Variants in NR3C2 observed in about 807,000 individuals in gnomAD.
The protein encoded by NR3C2 is nuclear receptor subfamily 3 group C member 2, also known as mineralocorticoid receptor.
A neutral mutation model predicts 86.4 loss-of-function variants in NR3C2; 15 were observed. That is an observed-to-expected ratio of 0.17 (90% CI 0.12 to 0.27). NR3C2 has a LOEUF of 0.27. Ranked by LOEUF, NR3C2 falls within the 10% of genes least tolerant of loss-of-function variation. The pLI is 1.00. For missense variants in NR3C2, 960 were observed against 1,195.6 expected, an observed-to-expected ratio of 0.80 and a Z score of 2.91; for synonymous variants, 458 against 450.5, an observed-to-expected ratio of 1.02 and a Z score of -0.21.
chr4:148,307,804 A>G (rs986596259), intron 2 of NR3C2, among the ~76,000 whole-genome samples: 110 of 151,860 alleles, frequency 7.2e-4, no homozygotes, highest in African/African-American at 2.6e-3. Flanking sequence ...ATAAGCTTAC[A>G]TATGGCAAAA....
chr4:148,330,028 T>C (rs995882475), intron 2 of NR3C2, among the ~76,000 whole-genome samples: 1 of 152,216 alleles, frequency 6.6e-6, no homozygotes, highest in African/African-American at 2.4e-5. Flanking sequence ...ATTTCTGCAA[T>C]GCTATTTTGG....
upstream of NR3C2, chr4:148,442,858 C>T (rs1579305433): frequency 2.0e-6 from 2 of 985,404 alleles, no homozygotes; most frequent in African/African-American, 1.7e-5. Context: ...TCTGACCGAC[C>T]CCAGGATATC....
intron 7 of NR3C2, among the ~76,000 whole-genome samples, chr4:148,119,504 A>G (rs138147075): frequency 2.1e-3 from 321 of 152,266 alleles, no homozygotes; most frequent in Non-Finnish European, 3.8e-3. Flanking sequence ...TGTATTAAAG[A>G]TATCTTTGGC....
intron 2 of NR3C2, among the ~76,000 whole-genome samples, chr4:148,305,308 T>C (rs1742558500): frequency 6.6e-6 from 1 of 152,126 alleles, no homozygotes; most frequent in Non-Finnish European, 1.5e-5. Flanking sequence ...CTCCTCAGAA[T>C]AAAACACAGT....
chr4:148,425,038 G>T (rs1359900803), intron 2 of NR3C2, among the ~76,000 whole-genome samples: 1 of 152,164 alleles, frequency 6.6e-6, no homozygotes, highest in Non-Finnish European at 1.5e-5. Context: ...TAATTATTTT[G>T]TGGAAAATTC....
chr4:148,167,082 A>G (rs142790652), intron 4 of NR3C2, among the ~76,000 whole-genome samples: 113 of 151,696 alleles, frequency 7.4e-4, no homozygotes, highest in African/African-American at 2.7e-3. Flanking sequence ...CATTTAAAAC[A>G]AAGTCTGCTG....
intron 2 of NR3C2, among the ~76,000 whole-genome samples, chr4:148,285,734 A>C (rs1194807531): frequency 6.6e-6 from 1 of 151,988 alleles, no homozygotes; most frequent in African/African-American, 2.4e-5. Context: ...CAAACAAAAA[A>C]AACTTCCTCC....
chr4:148,161,948 A>G (rs1734681153), intron 4 of NR3C2, among the ~76,000 whole-genome samples: 1 of 152,192 alleles, frequency 6.6e-6, no homozygotes, highest in Non-Finnish European at 1.5e-5. Flanking sequence ...TTCTCTCTCC[A>G]TGGGAGCGCA....
chr4:148,399,906 C>A (rs1748055394), intron 2 of NR3C2, among the ~76,000 whole-genome samples: 1 of 152,204 alleles, frequency 6.6e-6, no homozygotes. Context: ...TATTGGAATA[C>A]AGATGCAAAC....
At chr4:148,084,179 T>A (rs959514082) in intron 8 of NR3C2, among the ~76,000 whole-genome samples, 1 of 152,090 alleles carries the variant, frequency 6.6e-6, no homozygotes. Flanking sequence ...ACCACAAAGA[T>A]ACTCCACAAG....
At chr4:148,141,900 T>C (rs908672169) in intron 6 of NR3C2, among the ~76,000 whole-genome samples, 21 of 152,052 alleles carry the variant, frequency 1.4e-4, no homozygotes, top group African/African-American at 4.6e-4. Context: ...CTGTGGAAAA[T>C]TGTCTTCCAC....
At chr4:148,332,444 C>A (rs776530390) in intron 2 of NR3C2, among the ~76,000 whole-genome samples, 11 of 152,230 alleles carry the variant, frequency 7.2e-5, no homozygotes, top group Middle Eastern at 3.4e-3. Flanking sequence ...AATACTTAGA[C>A]AATATCTCTA....
At chr4:148,227,902 G>A (rs1168268726) in intron 3 of NR3C2, among the ~76,000 whole-genome samples, 1 of 152,036 alleles carries the variant, frequency 6.6e-6, no homozygotes, top group Non-Finnish European at 1.5e-5. Flanking sequence ...TATTTTCTCT[G>A]CCCCTAGTCC....
chr4:148,359,708 G>C (rs1361296542), intron 2 of NR3C2, among the ~76,000 whole-genome samples: 1 of 152,132 alleles, frequency 6.6e-6, no homozygotes, highest in African/African-American at 2.4e-5. Flanking sequence ...ACCCCTTTGA[G>C]AAACACGTGC....
At chr4:148,400,194 G>A (rs1490453) in intron 2 of NR3C2, among the ~76,000 whole-genome samples, 32,773 of 152,110 alleles carry the variant, frequency 0.22, 4,499 homozygotes, top group African/African-American at 0.39. Context: ...ACATTCTTAA[G>A]GCAAATATCA....
intron 2 of NR3C2, among the ~76,000 whole-genome samples, chr4:148,364,355 G>C (rs1037243941): frequency 5.9e-5 from 9 of 152,164 alleles, no homozygotes; most frequent in African/African-American, 2.2e-4. Context: ...TTGGATTACA[G>C]AATTGGAGAT....
chr4:148,341,079 TAA>T (rs1480384852), intron 2 of NR3C2, among the ~76,000 whole-genome samples: 2 of 152,018 alleles, frequency 1.3e-5, no homozygotes, highest in African/African-American at 4.8e-5. Context: ...CTCAAAAAAC[TAA>T]AGATAGAAAT....
chr4:148,117,213 G>A (rs371381818), intron 7 of NR3C2, among the ~76,000 whole-genome samples: 5 of 152,120 alleles, frequency 3.3e-5, no homozygotes, highest in East Asian at 3.9e-4. Context: ...GCCCTGCCCC[G>A]GGCAATTGAA....
At chr4:148,118,643 C>CA (rs1331238641) in intron 7 of NR3C2, among the ~76,000 whole-genome samples, 2 of 152,184 alleles carry the variant, frequency 1.3e-5, no homozygotes, top group African/African-American at 2.4e-5. Context: ...TATCAAGACT[C>CA]AGAGTTGGTA....
Sources: gnomAD v4.1 joint callset for allele counts (sites outside exome capture counted in the v4.1 genomes callset) on GRCh38, gnomAD v4.1.1 for gene constraint, MANE v1.5 for transcripts, NCBI Gene and HGNC (gene_info 2026-07-23, HGNC 2026-07-21) for gene names.